CERS6: variants seen among roughly 807,000 people sequenced by gnomAD.
CERS6 encodes the protein LAG1 homolog, ceramide synthase 6.
A neutral mutation model predicts 56.8 loss-of-function variants in CERS6; 26 were observed. The ratio of observed to expected loss-of-function variants is 0.46; its 90% CI spans 0.34 to 0.63. CERS6 has a LOEUF of 0.63. Ranked by LOEUF, CERS6 falls within the 30% of genes least tolerant of loss-of-function variation. The pLI is 0.01. For missense variants in CERS6, 415 were observed against 467.5 expected (o/e 0.89, Z 1.04); for synonymous variants, 164 against 173.3 (o/e 0.95, Z 0.42).
At position 168,761,627 on chromosome 2, in the gene CERS6, T is replaced by A. The variant is rs574650381; in HGVS notation, c.846-3965T>A. The stretch of plus-strand genomic sequence containing the variant: ...GCTTTCTTCTTCATATTTATTGGAT[T>A]GTTGGATTAGCAAACACGTGGTCAA... On this transcript the variant is annotated intron_variant, in intron 8 of 9. Transcript: ENST00000305747. Among the ~76,000 whole-genome samples, 6 of 152,270 alleles carry A rather than the reference T, an allele frequency of 3.9e-5. No homozygotes were observed. In the South Asian group the frequency reaches 1.2e-3, roughly 32 times the overall value.
chr2:168,498,491 G>A (rs946375408), intron 1 of CERS6, among the ~76,000 whole-genome samples: 35 of 152,170 alleles, frequency 2.3e-4, no homozygotes, highest in Admixed American at 2.0e-4. Context: ...CAGGGTGGCC[G>A]GGTATACATA....
intron 4 of CERS6, among the ~76,000 whole-genome samples, chr2:168,663,850 T>C (rs564900375): frequency 8.7e-4 from 133 of 152,328 alleles, no homozygotes; most frequent in African/African-American, 3.0e-3. Flanking sequence ...TGTTTGTTTG[T>C]TGCTTTGTTT....
chr2:168,474,067 A>G (rs1574006351), intron 1 of CERS6, among the ~76,000 whole-genome samples: 1 of 152,328 alleles, frequency 6.6e-6, no homozygotes, highest in African/African-American at 2.4e-5. Flanking sequence ...ATGTCTCTCA[A>G]AAAAACAAAA....
At chr2:168,650,574 G>A (rs952767067) in intron 4 of CERS6, among the ~76,000 whole-genome samples, 17 of 152,032 alleles carry the variant, frequency 1.1e-4, no homozygotes, top group East Asian at 7.7e-4. Flanking sequence ...AGAGATCTTC[G>A]TGCAACTTGA....
At chr2:168,497,484 G>C (rs1694494293) in intron 1 of CERS6, among the ~76,000 whole-genome samples, 1 of 152,198 alleles carries the variant, frequency 6.6e-6, no homozygotes. Context: ...TACCATAGGT[G>C]AGCTTGCATG....
intron 1 of CERS6, among the ~76,000 whole-genome samples, chr2:168,539,956 A>C (rs1222932203): frequency 6.6e-6 from 1 of 152,164 alleles, no homozygotes; most frequent in Non-Finnish European, 1.5e-5. Flanking sequence ...TGTATTTACC[A>C]ATATATTTGT....
chr2:168,576,308 AG>A (rs1683268365), intron 3 of CERS6, among the ~76,000 whole-genome samples: 1 of 152,158 alleles, frequency 6.6e-6, no homozygotes, highest in African/African-American at 2.4e-5. Context: ...TTCATGACAA[AG>A]AGCCAGTCTT....
chr2:168,656,104 A>C (rs1247098622), intron 4 of CERS6, among the ~76,000 whole-genome samples: 2 of 152,130 alleles, frequency 1.3e-5, no homozygotes, highest in African/African-American at 4.8e-5. Context: ...CTTTCCTCCT[A>C]AATAGGTCCT....
intron 6 of CERS6, among the ~76,000 whole-genome samples, 171 bp downstream of exon 6, chr2:168,695,222 AT>A (rs977965624): frequency 5.3e-5 from 8 of 152,004 alleles, no homozygotes; most frequent in African/African-American, 1.9e-4. Flanking sequence ...GCTGTTTTAT[AT>A]TTTTTTCTAT....
chr2:168,684,958 A>C (rs1179560207), intron 4 of CERS6, among the ~76,000 whole-genome samples: 2 of 152,214 alleles, frequency 1.3e-5, no homozygotes, highest in Non-Finnish European at 2.9e-5. Flanking sequence ...AAAAGGCATA[A>C]GGTTTAAATA....
chr2:168,495,748 G>GTGTT (rs2105341593), intron 1 of CERS6, among the ~76,000 whole-genome samples: 1 of 152,302 alleles, frequency 6.6e-6, no homozygotes, highest in African/African-American at 2.4e-5. Flanking sequence ...AGTTTCCAGT[G>GTGTT]TATTTTCACA....
intron 4 of CERS6, among the ~76,000 whole-genome samples, chr2:168,678,293 AGGT>A (rs1686117919): frequency 2.0e-5 from 3 of 152,104 alleles, no homozygotes; most frequent in Admixed American, 6.5e-5. Context: ...TCGCTGCCTG[AGGT>A]ACTGTCAGGC....
chr2:168,714,236 T>C (rs1044297265), intron 6 of CERS6, among the ~76,000 whole-genome samples: 5 of 152,242 alleles, frequency 3.3e-5, no homozygotes, highest in African/African-American at 1.2e-4. Context: ...CCTAATATTA[T>C]CGCCTTGAGC....
At chr2:168,645,833 C>T (rs1318628227) in intron 4 of CERS6, among the ~76,000 whole-genome samples, 1 of 152,086 alleles carries the variant, frequency 6.6e-6, no homozygotes, top group Non-Finnish European at 1.5e-5. Flanking sequence ...AGATAATGAT[C>T]TCCAGGTCCA....
At chr2:168,518,316 G>T (rs74830034) in intron 1 of CERS6, among the ~76,000 whole-genome samples, 4,798 of 152,206 alleles carry the variant, frequency 0.032, 259 homozygotes, top group African/African-American at 0.11. Context: ...AGTAGCATAG[G>T]CTCAGTGTCT....
chr2:168,748,434 C>G (rs1379910063), intron 8 of CERS6, among the ~76,000 whole-genome samples: 1 of 152,112 alleles, frequency 6.6e-6, no homozygotes, highest in African/African-American at 2.4e-5. Flanking sequence ...TGTATACTGT[C>G]TTTTGAGTAT....
intron 3 of CERS6, among the ~76,000 whole-genome samples, chr2:168,600,602 A>G (rs754858036): frequency 6.6e-6 from 1 of 152,184 alleles, no homozygotes; most frequent in Non-Finnish European, 1.5e-5. Context: ...GTGTTTCTGC[A>G]GTTCAACCCC....
chr2:168,574,603 T>C (rs1291526700), intron 3 of CERS6, among the ~76,000 whole-genome samples: 1 of 152,200 alleles, frequency 6.6e-6, no homozygotes, highest in Non-Finnish European at 1.5e-5. Flanking sequence ...TGTTATTTAA[T>C]ATAGTGATTA....
intron 8 of CERS6, among the ~76,000 whole-genome samples, chr2:168,735,682 C>T (rs1354249039): frequency 1.3e-5 from 2 of 151,544 alleles, no homozygotes; most frequent in Admixed American, 1.3e-4. Context: ...TCAAGACCAG[C>T]CTGGGCAACA....
Sources: gnomAD v4.1 joint callset for allele counts (sites outside exome capture counted in the v4.1 genomes callset) on GRCh38, gnomAD v4.1.1 for gene constraint, MANE v1.5 for transcripts, NCBI Gene and HGNC (gene_info 2026-07-23, HGNC 2026-07-21) for gene names.